The following MKLN1 variants were observed in gnomAD, a reference collection of about 807,000 sequenced individuals.
MKLN1 encodes muskelin.
MKLN1 carries 18 observed loss-of-function variants against 99.0 expected under a neutral mutation model. That is an observed-to-expected ratio of 0.18 (90% CI 0.13 to 0.27). MKLN1 has a LOEUF of 0.27. Among genes scored for constraint, MKLN1 ranks in the 10% least tolerant of loss-of-function variants. The pLI, the probability that MKLN1 is intolerant of heterozygous loss-of-function variation, is 1.00. For missense variants in MKLN1, 621 were observed against 875.9 expected, an observed-to-expected ratio of 0.71 and a Z score of 3.67; for synonymous variants, 288 against 293.2, an observed-to-expected ratio of 0.98 and a Z score of 0.18.
intron 3 of MKLN1, among the ~76,000 whole-genome samples, chr7:131,276,160 A>G (rs1797972216): frequency 6.6e-6 from 1 of 152,154 alleles, no homozygotes; most frequent in Admixed American, 6.5e-5. Flanking sequence ...CCACAGAAGC[A>G]TTTCCTCCAG....
At chr7:131,225,778 C>T (rs930836981) in intron 3 of MKLN1, among the ~76,000 whole-genome samples, 2 of 152,162 alleles carry the variant, frequency 1.3e-5, no homozygotes, top group Non-Finnish European at 2.9e-5. Context: ...GCTTGGCCTT[C>T]GAGGAAGACG....
intron 3 of MKLN1, among the ~76,000 whole-genome samples, chr7:131,301,800 G>GT (rs893268265): frequency 2.6e-5 from 4 of 152,062 alleles, no homozygotes; most frequent in African/African-American, 9.7e-5. Context: ...CTCTATTGCA[G>GT]TAACACTGAA....
At chr7:131,375,645 A>T (rs1793623166) in intron 2 of MKLN1, 152 bp downstream of exon 2, 2 of 519,964 alleles carry the variant, frequency 3.8e-6, no homozygotes, top group Non-Finnish European at 6.8e-6. Context: ...CTTGTTTATT[A>T]AATTTTGGAA....
chr7:131,304,768 G>A (rs932335517), intron 3 of MKLN1, among the ~76,000 whole-genome samples: 2 of 152,130 alleles, frequency 1.3e-5, no homozygotes, highest in Non-Finnish European at 2.9e-5. Flanking sequence ...GATTTACTCT[G>A]GCCTATTTGG....
intron 2 of MKLN1, among the ~76,000 whole-genome samples, chr7:131,377,443 A>G (rs977356827): frequency 1.3e-5 from 2 of 152,112 alleles, no homozygotes; most frequent in Non-Finnish European, 2.9e-5. Context: ...CTCTTTGCAT[A>G]TGTTAATGGA....
At chr7:131,193,895 C>T (rs1414774703) in intron 2 of MKLN1, among the ~76,000 whole-genome samples, 2 of 151,754 alleles carry the variant, frequency 1.3e-5, no homozygotes, top group Non-Finnish European at 2.9e-5. Flanking sequence ...CCCAAAATGC[C>T]GGGATTATAA....
intron 1 of MKLN1, among the ~76,000 whole-genome samples, chr7:131,123,827 T>G (rs1355792515): frequency 2.0e-5 from 3 of 151,952 alleles, no homozygotes; most frequent in African/African-American, 7.3e-5. Context: ...AGTACAGTAC[T>G]GGGTATTATG....
chr7:131,251,204 T>C (rs1269970968), intron 3 of MKLN1, among the ~76,000 whole-genome samples: 1 of 152,094 alleles, frequency 6.6e-6, no homozygotes, highest in Non-Finnish European at 1.5e-5. Flanking sequence ...CCATCACCAT[T>C]ATCTATTTCC....
At chr7:131,164,472 A>G (rs914621879) in intron 2 of MKLN1, among the ~76,000 whole-genome samples, 1 of 152,196 alleles carries the variant, frequency 6.6e-6, no homozygotes. Context: ...ACCAAGAAAC[A>G]TGGCAACTGG....
intron 6 of MKLN1, among the ~76,000 whole-genome samples, chr7:131,402,130 C>T (rs1470416379): frequency 6.6e-6 from 1 of 152,184 alleles, no homozygotes; most frequent in Non-Finnish European, 1.5e-5. Flanking sequence ...AGTCAATCCT[C>T]TCAAACCCTG....
intron 3 of MKLN1, among the ~76,000 whole-genome samples, chr7:131,295,368 A>G (rs13233481): frequency 0.42 from 63,742 of 152,032 alleles, 14,158 homozygotes; most frequent in African/African-American, 0.56. Flanking sequence ...GCTGATAAAC[A>G]CATTGTGTAA....
At chr7:131,231,173 G>T (rs1797238748) in intron 3 of MKLN1, among the ~76,000 whole-genome samples, 1 of 151,066 alleles carries the variant, frequency 6.6e-6, no homozygotes, top group Non-Finnish European at 1.5e-5. Context: ...TGGCAGGGCA[G>T]GAGAGGAGAA....
Position 131,148,924 on chromosome 7 carries a change from T to C in MKLN1, c.-297+5983T>C, listed in dbSNP as rs114215137. Among the ~76,000 whole-genome samples, 595 of 152,352 alleles carry C rather than the reference T, an allele frequency of 3.9e-3. 6 individuals carry two copies. The highest frequency in any genetic ancestry group is 0.014 in the African/African-American group (562 of 41,578). On this transcript the variant is annotated intron_variant, in intron 2 of 7. Transcript: ENST00000416992. ...CTTCTTCTTTAATAATTACTACTTA[T>C]ATTAATGTGGACATGACCTATATGA...
chr7:131,363,072 G>T (rs1800077233), intron 1 of MKLN1, among the ~76,000 whole-genome samples: 1 of 151,866 alleles, frequency 6.6e-6, no homozygotes, highest in African/African-American at 2.4e-5. Context: ...CAACATCTTA[G>T]AGTGGATTTT....
intron 8 of MKLN1, among the ~76,000 whole-genome samples, chr7:131,419,218 A>ATATATATATG (rs1795116445): frequency 7.0e-6 from 1 of 143,628 alleles, no homozygotes; most frequent in South Asian, 2.2e-4. Flanking sequence ...GATTCATTAC[A>ATATATATATG]TATATATATG....
intron 2 of MKLN1, among the ~76,000 whole-genome samples, chr7:131,186,208 C>T (rs1227796202): frequency 2.0e-5 from 3 of 151,548 alleles, no homozygotes; most frequent in Non-Finnish European, 4.4e-5. Flanking sequence ...AACAAACAAA[C>T]AGCCTCTGTT....
chr7:131,452,588 G>A (rs1796214087), intron 12 of MKLN1, among the ~76,000 whole-genome samples: 1 of 111,542 alleles, frequency 9.0e-6, no homozygotes, highest in South Asian at 2.9e-4. Context: ...GTCCCGCCCT[G>A]TCGCCAGGCT....
At chr7:131,285,957 C>CT (rs1554546958) in intron 3 of MKLN1, among the ~76,000 whole-genome samples, 22,385 of 117,654 alleles carry the variant, frequency 0.19, 2,185 homozygotes, top group South Asian at 0.32. Context: ...CATCTATGGA[C>CT]TTTTTTTTTT....
intron 2 of MKLN1, among the ~76,000 whole-genome samples, chr7:131,149,279 T>C (rs889692838): frequency 2.0e-5 from 3 of 152,220 alleles, no homozygotes; most frequent in Admixed American, 2.0e-4. Context: ...TGTTCCTATT[T>C]ATTTCTAATA....
Sources: allele counts gnomAD v4.1 joint callset (sites outside exome capture counted in the v4.1 genomes callset), GRCh38; gene constraint gnomAD v4.1.1; transcripts MANE v1.5; gene names NCBI Gene and HGNC (gene_info 2026-07-23, HGNC 2026-07-21).